MACROD2: variants seen among roughly 807,000 people sequenced by gnomAD.
MACROD2 encodes the protein mono-ADP ribosylhydrolase 2, also known as ADP-ribose glycohydrolase MACROD2.
A neutral mutation model predicts 70.4 loss-of-function variants in MACROD2; 36 were observed. That is an observed-to-expected ratio of 0.51 (90% confidence interval 0.39 to 0.68). The LOEUF is 0.68. MACROD2 is among the 30% of genes least tolerant of loss of function. The pLI is 0.00. For missense variants in MACROD2, 496 were observed against 538.4 expected, an observed-to-expected ratio of 0.92 and a Z score of 0.78; for synonymous variants, 172 against 178.8, an observed-to-expected ratio of 0.96 and a Z score of 0.30.
At chr20:14,436,301 TACC>T (rs1264878777) in intron 3 of MACROD2, among the ~76,000 whole-genome samples, 1 of 152,216 alleles carries the variant, frequency 6.6e-6, no homozygotes, top group East Asian at 1.9e-4. Context: ...GTTGTATTTA[TACC>T]ACATTATTAG....
intron 5 of MACROD2, among the ~76,000 whole-genome samples, chr20:14,951,334 G>C (rs544947272): frequency 6.6e-6 from 1 of 152,064 alleles, no homozygotes. Context: ...CTGGTTATGA[G>C]TAAGCCAAGT....
intron 7 of MACROD2, among the ~76,000 whole-genome samples, chr20:15,496,945 C>T (rs2047305816): frequency 6.6e-6 from 1 of 152,028 alleles, no homozygotes; most frequent in Admixed American, 6.6e-5. Flanking sequence ...CTACAGTTGT[C>T]TGGGTGAGGG....
intron 8 of MACROD2, among the ~76,000 whole-genome samples, chr20:15,508,567 A>G (rs1019690223): frequency 2.0e-5 from 3 of 152,246 alleles, no homozygotes; most frequent in East Asian, 3.8e-4. Context: ...AATTTCCTAG[A>G]TGTGACAGTT....
chr20:15,655,572 CT>C (rs1353185303), intron 8 of MACROD2, among the ~76,000 whole-genome samples: 5 of 152,068 alleles, frequency 3.3e-5, no homozygotes, highest in African/African-American at 1.2e-4. Context: ...CTGCCTTGCA[CT>C]TTTTAAAAGT....
chr20:14,009,149 C>G (rs571606502), intron 2 of MACROD2, among the ~76,000 whole-genome samples: 4 of 152,010 alleles, frequency 2.6e-5, no homozygotes, highest in Non-Finnish European at 5.9e-5. Flanking sequence ...TTCTGCACAG[C>G]CAAAGAAACT....
At chr20:15,092,046 A>G (rs938531186) in intron 5 of MACROD2, among the ~76,000 whole-genome samples, 1 of 152,150 alleles carries the variant, frequency 6.6e-6, no homozygotes, top group African/African-American at 2.4e-5. Flanking sequence ...GTATGCACAG[A>G]GTGGCTTTAC....
intron 3 of MACROD2, among the ~76,000 whole-genome samples, chr20:14,235,358 C>T (rs2081859318): frequency 6.6e-6 from 1 of 152,128 alleles, no homozygotes; most frequent in Non-Finnish European, 1.5e-5. Flanking sequence ...CATACACACA[C>T]ATTCCCATTT....
intron 5 of MACROD2, among the ~76,000 whole-genome samples, chr20:15,098,780 G>C (rs1025661990): frequency 6.6e-6 from 1 of 152,230 alleles, no homozygotes; most frequent in Non-Finnish European, 1.5e-5. Flanking sequence ...AGAGATCTAA[G>C]GTCTAACTGC....
intron 8 of MACROD2, among the ~76,000 whole-genome samples, chr20:15,746,575 A>AAG (rs1347158580): frequency 3.3e-5 from 5 of 151,470 alleles, no homozygotes; most frequent in African/African-American, 9.7e-5. Context: ...AAAAAAAAAA[A>AAG]AAAAAAAGAA....
chr20:15,972,676 G>T (rs554608070), intron 13 of MACROD2, among the ~76,000 whole-genome samples: 3 of 152,188 alleles, frequency 2.0e-5, no homozygotes, highest in Non-Finnish European at 4.4e-5. Context: ...AAGGCACGGT[G>T]GTGGGCACCT....
Position 16,041,194 on chromosome 20 carries a change from C to T in MACROD2, c.1154-7C>T. On this transcript the variant is annotated splice_region_variant and splice_polypyrimidine_tract_variant and intron_variant, in intron 15 of 17. Transcript: ENST00000684519. ...TCATCAGGGACTGTGGTCTTTTTCT[C>T]TTCCAGCTCCAGGCGAGGACACACC... 6.2e-7 allele frequency: 1 copy of T among 1,610,320 alleles called. No homozygotes were observed. Among genetic ancestry groups the T allele is most frequent in the Non-Finnish European group, 8.5e-7 (1 of 1,178,146 alleles).
chr20:15,958,327 G>A (rs1447184395), intron 12 of MACROD2, among the ~76,000 whole-genome samples: 3 of 152,058 alleles, frequency 2.0e-5, no homozygotes, highest in South Asian at 2.1e-4. Context: ...AGGGCTCCAC[G>A]GCCTTGCCCC....
intron 8 of MACROD2, among the ~76,000 whole-genome samples, chr20:15,684,058 A>C (rs1008472211): frequency 6.6e-6 from 1 of 152,224 alleles, no homozygotes; most frequent in Non-Finnish European, 1.5e-5. Flanking sequence ...GATTACTTCC[A>C]TTTTAAACTA....
chr20:15,266,858 G>A (rs1227652398), intron 6 of MACROD2, among the ~76,000 whole-genome samples: 1 of 152,192 alleles, frequency 6.6e-6, no homozygotes, highest in Non-Finnish European at 1.5e-5. Flanking sequence ...AGGGTACTCT[G>A]CTTCCGTTTC....
chr20:15,323,213 G>C (rs1191380295), intron 6 of MACROD2, among the ~76,000 whole-genome samples: 1 of 152,076 alleles, frequency 6.6e-6, no homozygotes, highest in Non-Finnish European at 1.5e-5. Context: ...TGGCAGCTGG[G>C]AATTGTTATT....
intron 4 of MACROD2, among the ~76,000 whole-genome samples, chr20:14,633,943 A>G (rs982946070): frequency 1.3e-5 from 2 of 152,140 alleles, no homozygotes; most frequent in Admixed American, 6.5e-5. Context: ...CTGCATAGAC[A>G]TATTGTTTGG....
At chr20:15,292,976 ATTT>A (rs1215724552) in intron 6 of MACROD2, among the ~76,000 whole-genome samples, 1 of 152,112 alleles carries the variant, frequency 6.6e-6, no homozygotes, top group Non-Finnish European at 1.5e-5. Flanking sequence ...CTGAGGTGCT[ATTT>A]CCTGCTTCCA....
intron 5 of MACROD2, among the ~76,000 whole-genome samples, chr20:15,041,974 C>T (rs1036929178): frequency 6.6e-6 from 1 of 151,996 alleles, no homozygotes; most frequent in Non-Finnish European, 1.5e-5. Context: ...ACATGCCAAG[C>T]AGGATTGGAG....
intron 8 of MACROD2, among the ~76,000 whole-genome samples, chr20:15,587,411 C>G (rs2048617467): frequency 6.6e-6 from 1 of 152,146 alleles, no homozygotes; most frequent in South Asian, 2.1e-4. Context: ...CCTGGCTCCT[C>G]CAAATCTCAT....
Sources: gnomAD v4.1 joint callset for allele counts (sites outside exome capture counted in the v4.1 genomes callset) on GRCh38, gnomAD v4.1.1 for gene constraint, MANE v1.5 for transcripts, NCBI Gene and HGNC (gene_info 2026-07-23, HGNC 2026-07-21) for gene names.